INO80: variants seen among roughly 807,000 people sequenced by gnomAD.
INO80 encodes INO80 complex ATPase subunit.
Under a neutral mutation model 203.4 loss-of-function variants are expected in INO80, and 20 were observed. The observed-to-expected ratio is 0.10, with a 90% CI of 0.07 to 0.14. The LOEUF (loss-of-function observed/expected upper bound fraction) is 0.14. Ranked by LOEUF, INO80 falls within the 10% of genes least tolerant of loss-of-function variation. INO80 has a pLI of 1.00. For synonymous variants in INO80, 726 were observed against 685.2 expected (o/e 1.06, Z -0.93); for missense variants, 1,419 against 1,914.4 (o/e 0.74, Z 4.83).
chr15:41,006,583 A>G (rs566935462), intron 27 of INO80, among the ~76,000 whole-genome samples: 1 of 152,320 alleles, frequency 6.6e-6, no homozygotes, highest in South Asian at 2.1e-4. Context: ...CAATATTTTC[A>G]TATGTAACTC....
rs2044724969 is a variant in INO80, at chr15:41,044,776, C to G, written c.2907+128G>C. The G allele has an allele frequency of 5.7e-6, 4 of 697,206 alleles. No homozygotes were observed. The South Asian group carries it at 8.5e-5, about 15-fold the overall frequency. The allele number at this position is 697,206 out of a possible 1,614,324, so 43.2% of individuals were successfully genotyped here. On this transcript the variant is annotated intron_variant, in intron 24 of 35. Coordinates refer to ENST00000648947, the MANE Select transcript of INO80 (RefSeq NM_017553.3). Reference sequence around the variant, plus strand: ...AATTAAGTTAGAACTCAATATGCTGCACCGCCCACTCCTCTGGGAACTTTT... The same window carrying G: ...AATTAAGTTAGAACTCAATATGCTGGACCGCCCACTCCTCTGGGAACTTTT...
chr15:41,056,193 A>C, intron 17 of INO80, among the ~76,000 whole-genome samples: 1 of 151,798 alleles, frequency 6.6e-6, no homozygotes, highest in African/African-American at 2.4e-5. Context: ...GCATCCTCCC[A>C]CTTCGACCTC....
intron 4 of INO80, among the ~76,000 whole-genome samples, chr15:41,095,082 T>C (rs190182484): frequency 1.3e-3 from 202 of 151,190 alleles, no homozygotes; most frequent in Non-Finnish European, 2.5e-3. Flanking sequence ...CTCACGCCTA[T>C]AATCCCAGCA....
At chr15:41,045,276 C>G (rs1019161141) in intron 23 of INO80, among the ~76,000 whole-genome samples, 2 of 152,092 alleles carry the variant, frequency 1.3e-5, no homozygotes, top group African/African-American at 4.8e-5. Context: ...TAAAATCCTC[C>G]GCAAAGCTCC....
At chr15:41,045,168 C>G in intron 23 of INO80, 93 bp from the exon 24 acceptor site, 1 of 899,474 alleles carries the variant, frequency 1.1e-6, no homozygotes, top group South Asian at 2.5e-5. Context: ...ATTAACATAA[C>G]TCTTTTGTAA....
At chr15:41,105,282 TG>T (rs1013864725) in intron 1 of INO80, among the ~76,000 whole-genome samples, 3 of 152,188 alleles carry the variant, frequency 2.0e-5, no homozygotes, top group Non-Finnish European at 4.4e-5. Flanking sequence ...GCTTGGGGGT[TG>T]GGGGGGCACC....
intron 24 of INO80, among the ~76,000 whole-genome samples, chr15:41,031,575 GAGGAAGGGAGGA>G (rs2044468745): frequency 1.2e-4 from 1 of 8,426 alleles, no homozygotes; most frequent in African/African-American, 2.7e-4. Flanking sequence ...GGGAGGAAGG[GAGGAAGGGAGGA>G]AGGGAGGGAG....
rs1410780619 is a variant in INO80, at chr15:41,019,109, T to C, written c.3274+1791A>G. Among the ~76,000 whole-genome samples the C allele has an allele frequency of 1.3e-5, 2 of 152,092 alleles. 1 individual carries two copies. The highest frequency in any genetic ancestry group is 1.3e-4 in the Admixed American group (2 of 15,256). On this transcript the variant is annotated intron_variant, in intron 26 of 35. Coordinates refer to ENST00000648947, the MANE Select transcript of INO80 (RefSeq NM_017553.3). ...AATTAGGGCAAAAGATTAAATAATA[T>C]CTCATTTTTCCAAGGAAAGGGGACT... is the stretch of plus-strand genomic sequence containing the variant.
chr15:41,107,843 T>C lies in INO80; in HGVS notation c.-44+8130A>G, dbSNP rs1392205023. On this transcript the variant is annotated intron_variant, in intron 1 of 35. Coordinates refer to ENST00000648947, the MANE Select transcript of INO80 (RefSeq NM_017553.3). The stretch of plus-strand genomic sequence containing the variant: ...TAGGCCGGGCATGGTGGCTCACGCC[T>C]GTAATGCCAGCACTTTGGGAGGCCA... Among the ~76,000 whole-genome samples, 8 of 151,904 alleles carry C rather than the reference T, an allele frequency of 5.3e-5. 1 individual carries two copies. The highest frequency in any genetic ancestry group is 5.3e-4 in the Admixed American group (8 of 15,234).
chr15:41,020,797 C>T (rs1438797299), intron 26 of INO80, 103 bp downstream of exon 26: 1 of 707,634 alleles, frequency 1.4e-6, no homozygotes, highest in Middle Eastern at 3.7e-4. Context: ...GCAGAAACCT[C>T]AAGAACAGTA....
At chr15:41,008,887 G>A (rs556601242) in intron 27 of INO80, among the ~76,000 whole-genome samples, 14 of 152,236 alleles carry the variant, frequency 9.2e-5, no homozygotes, top group East Asian at 1.9e-4. Flanking sequence ...AGGCTGGAGC[G>A]CAATGGTGAG....
At chr15:41,031,634 GAGGA>G (rs1298726120) in intron 24 of INO80, among the ~76,000 whole-genome samples, 1 of 130,690 alleles carries the variant, frequency 7.7e-6, no homozygotes, top group African/African-American at 3.0e-5. Flanking sequence ...GGGAGGAAGG[GAGGA>G]AGGGAGGAAG....
At chr15:41,079,167 T>C (rs760066567) in intron 9 of INO80, among the ~76,000 whole-genome samples, 2 of 151,638 alleles carry the variant, frequency 1.3e-5, no homozygotes, top group Non-Finnish European at 2.9e-5. Context: ...AACAGTACAG[T>C]AGGTGAAGGG....
At chr15:41,093,330 C>A (rs1180593380) in intron 4 of INO80, among the ~76,000 whole-genome samples, 1 of 152,062 alleles carries the variant, frequency 6.6e-6, no homozygotes, top group East Asian at 1.9e-4. Context: ...GAGGCTGAGA[C>A]AGGAGAATCG....
At chr15:41,110,929 T>C (rs1417436158) in intron 1 of INO80, among the ~76,000 whole-genome samples, 1 of 152,154 alleles carries the variant, frequency 6.6e-6, no homozygotes, top group Non-Finnish European at 1.5e-5. Context: ...ACTGGCAAAA[T>C]TCCTTCATTG....
Position 41,008,315 on chromosome 15 carries a change from A to G in INO80, c.3403-2628T>C, listed in dbSNP as rs568615259. ...ATGAATAAACCTGATTCTGTTAAGT[A>G]AAATATGCCAGACATGGAAAGACAA... On this transcript the variant is annotated intron_variant, in intron 27 of 35. Transcript: ENST00000648947. Among the ~76,000 whole-genome samples the G allele has an allele frequency of 2.7e-3, 410 of 152,256 alleles. 3 individuals carry two copies. Among genetic ancestry groups the G allele is most frequent in the South Asian group, 0.013 (62 of 4,824 alleles).
chr15:40,993,217 A>G (rs2043838202), intron 29 of INO80, among the ~76,000 whole-genome samples: 1 of 151,648 alleles, frequency 6.6e-6, no homozygotes, highest in South Asian at 2.1e-4. Flanking sequence ...TTACTCCTAC[A>G]GGGCAAACTA....
intron 1 of INO80, among the ~76,000 whole-genome samples, chr15:41,106,543 G>A (rs1285697294): frequency 1.3e-5 from 2 of 151,956 alleles, no homozygotes; most frequent in African/African-American, 4.8e-5. Context: ...GCTGAGGTGG[G>A]AGGATAGCTT....
intron 34 of INO80, among the ~76,000 whole-genome samples, chr15:40,983,436 G>A (rs1049275290): frequency 7.9e-5 from 12 of 151,960 alleles, no homozygotes; most frequent in Non-Finnish European, 1.6e-4. Context: ...TTTTACCCTC[G>A]AGTTTTGAAC....
Sources: gnomAD v4.1 joint callset for allele counts (sites outside exome capture counted in the v4.1 genomes callset) on GRCh38, gnomAD v4.1.1 for gene constraint, MANE v1.5 for transcripts, NCBI Gene and HGNC (gene_info 2026-07-23, HGNC 2026-07-21) for gene names.